Variants in GFRA2 observed in about 807,000 individuals in gnomAD.
GFRA2 encodes GDNF family receptor alpha 2.
A neutral mutation model predicts 48.3 loss-of-function variants in GFRA2; 17 were observed. That is an observed-to-expected ratio of 0.35 (90% CI 0.24 to 0.53). The LOEUF is 0.53. Among genes scored for constraint, GFRA2 ranks in the 20% least tolerant of loss-of-function variants. The pLI is 0.93. For missense variants in GFRA2, 660 were observed against 637.3 expected, an observed-to-expected ratio of 1.04 and a Z score of -0.38; for synonymous variants, 305 against 257.2, an observed-to-expected ratio of 1.19 and a Z score of -1.78.
At chr8:21,785,574 G>C (rs1027143999) in intron 1 of GFRA2, among the ~76,000 whole-genome samples, 4 of 152,164 alleles carry the variant, frequency 2.6e-5, no homozygotes, top group Non-Finnish European at 5.9e-5. Flanking sequence ...AGGGGTAGAG[G>C]GGGGTGGAGA....
intron 4 of GFRA2, among the ~76,000 whole-genome samples, chr8:21,712,171 T>C (rs1382185651): frequency 2.0e-5 from 3 of 152,060 alleles, no homozygotes; most frequent in Non-Finnish European, 4.4e-5. Flanking sequence ...ATTGTCATCA[T>C]GGCCCATTCT....
chr8:21,745,072 A>G (rs940739719), intron 4 of GFRA2, among the ~76,000 whole-genome samples: 2 of 152,230 alleles, frequency 1.3e-5, no homozygotes, highest in Non-Finnish European at 2.9e-5. Context: ...ACCCTAGATC[A>G]AAGGAACCCT....
intron 4 of GFRA2, among the ~76,000 whole-genome samples, chr8:21,710,806 G>A (rs1419196989): frequency 1.3e-5 from 2 of 152,258 alleles, no homozygotes; most frequent in Non-Finnish European, 2.9e-5. Flanking sequence ...AAGAGAAGCA[G>A]CTAAGCCTTC....
chr8:21,788,663 G>C lies in GFRA2; in HGVS notation c.-504C>G. On this transcript the variant is annotated 5_prime_UTR_variant, in exon 1 of 9. Transcript: ENST00000524240. ...GTCAGCGCCCAAGAACAATCCAGTCGGAGCTTCGAGGACGAGAGACTGGAG... is the reference window on the plus strand; with the variant it reads ...GTCAGCGCCCAAGAACAATCCAGTCCGAGCTTCGAGGACGAGAGACTGGAG... 1 of 986,220 alleles carries C rather than the reference G, an allele frequency of 1.0e-6. No individual in the cohort carries two copies. The highest frequency in any genetic ancestry group is 4.7e-5 in the South Asian group (1 of 21,300). 61.1% of individuals were successfully genotyped at this position (986,220 alleles called of 1,614,324 possible).
intron 3 of GFRA2, among the ~76,000 whole-genome samples, chr8:21,770,278 G>A (rs1046051541): frequency 5.3e-5 from 8 of 152,248 alleles, no homozygotes; most frequent in African/African-American, 7.2e-5. Flanking sequence ...TCGAACCTTG[G>A]AGAAATCAGT....
At chr8:21,754,542 CTT>C (rs1012091862) in intron 3 of GFRA2, among the ~76,000 whole-genome samples, 4 of 124,682 alleles carry the variant, frequency 3.2e-5, no homozygotes, top group African/African-American at 1.3e-4. Context: ...GAGTTTTGCT[CTT>C]GTCGCCCAGG....
At position 21,757,143 on chromosome 8, in the gene GFRA2, G is replaced by T. The variant is rs569822288; in HGVS notation, c.440-6201C>A. Among the ~76,000 whole-genome samples the T allele has an allele frequency of 9.9e-5, 15 of 152,260 alleles. No individual in the cohort carries two copies. In the East Asian group the frequency reaches 2.7e-3, roughly 27 times the overall value. On this transcript the variant is annotated intron_variant, in intron 3 of 8. Coordinates refer to ENST00000524240, the MANE Select transcript of GFRA2 (RefSeq NM_001495.5). ...CAGACCCGGGGAGCGCAGCCAGCTG[G>T]GGAGCACAGCCAGCAGCAGAGGGGC...
rs1233298955 is a variant in GFRA2, at chr8:21,755,648, G to T, written c.440-4706C>A. 2.0e-5 allele frequency among the ~76,000 whole-genome samples: 3 copies of T among 151,254 alleles called. 1 individual carries two copies. The highest frequency in any genetic ancestry group is 7.3e-5 in the African/African-American group (3 of 41,260). On this transcript the variant is annotated intron_variant, in intron 3 of 8. Transcript: ENST00000524240. ...TGTCCAGACCTTGGTGGGGGCCGGG[G>T]GAGGGGTCCTGGAAGCAGTGACATC...
At chr8:21,796,834 G>C (rs1487618973) in intron 2 of GFRA2, among the ~76,000 whole-genome samples, 1 of 152,214 alleles carries the variant, frequency 6.6e-6, no homozygotes, top group African/African-American at 2.4e-5. Context: ...GTCATCACCT[G>C]CTGTAGGTTG....
At chr8:21,776,652 G>A (rs1229547946) in intron 2 of GFRA2, among the ~76,000 whole-genome samples, 2 of 152,064 alleles carry the variant, frequency 1.3e-5, no homozygotes, top group African/African-American at 4.8e-5. Context: ...TGTATTTTTA[G>A]TAGAGATGGG....
In GFRA2 at chr8:21,750,109, A is replaced by G. The variant is rs1024146236; in HGVS notation, c.794+479T>C. 6.6e-6 allele frequency among the ~76,000 whole-genome samples: 1 copy of G among 151,378 alleles called. No homozygotes were observed. Among genetic ancestry groups the G allele is most frequent in the Non-Finnish European group, 1.5e-5 (1 of 67,890 alleles). Reference sequence around the variant, plus strand: ...TGTATACACACACACACACACACACACGCACATATATAGGTAGAGACTGAG... The same window carrying G: ...TGTATACACACACACACACACACACGCGCACATATATAGGTAGAGACTGAG... On this transcript the variant is annotated intron_variant, in intron 4 of 8. Transcript: ENST00000524240. The surrounding 1 kb of genome is among the most constrained non-coding windows in gnomAD (Gnocchi z 5.7).
intron 4 of GFRA2, among the ~76,000 whole-genome samples, chr8:21,719,018 C>A (rs1054656742): frequency 6.6e-6 from 1 of 151,920 alleles, no homozygotes; most frequent in Admixed American, 6.6e-5. Context: ...GCCTCCTTGG[C>A]CCCCCCTTGC....
At chr8:21,780,232 T>C (rs1806912873) in intron 2 of GFRA2, among the ~76,000 whole-genome samples, 3 of 151,972 alleles carry the variant, frequency 2.0e-5, no homozygotes, top group South Asian at 2.1e-4. Context: ...TCCTGCCCCA[T>C]ACGATGGCCG....
upstream of GFRA2, among the ~76,000 whole-genome samples, chr8:21,792,136 G>C (rs1347253942): frequency 2.0e-5 from 3 of 152,172 alleles, no homozygotes; most frequent in African/African-American, 7.2e-5. Context: ...TATCTCTCTA[G>C]TCCTCTCTGC....
intron 1 of GFRA2, among the ~76,000 whole-genome samples, chr8:21,786,878 G>C (rs1303728574): frequency 1.3e-5 from 2 of 152,142 alleles, no homozygotes; most frequent in Admixed American, 6.5e-5. Flanking sequence ...CTGCAGGAGG[G>C]AGAGGGTGAG....
intron 4 of GFRA2, among the ~76,000 whole-genome samples, chr8:21,730,151 T>A (rs2117492098): frequency 6.6e-6 from 1 of 152,110 alleles, no homozygotes; most frequent in South Asian, 2.1e-4. Context: ...GCACTTGTAA[T>A]CCCAGCACTT....
At position 21,804,435 on chromosome 8, in the gene GFRA2, AAC is replaced by A. The variant is rs1491086519; in HGVS notation, c.-36+580_-36+581del. Among the ~76,000 whole-genome samples, 575 of 71,986 alleles carry A rather than the reference AAC, an allele frequency of 8.0e-3. 7 individuals carry two copies. The highest frequency in any genetic ancestry group is 0.068 in the East Asian group (186 of 2,740). The allele number at this position is 71,986 out of a possible 152,430, so 47.2% of individuals were successfully genotyped here. On this transcript the variant is annotated intron_variant, in intron 2 of 10. Coordinates refer to the GFRA2 transcript ENST00000517328. ...TATAAACTTCTCTGCTAAAAAAAAA[AAC>A]AAAAAAAAAACAAACTGGTGCATTA...
chr8:21,697,359 G>A (rs1253531649), intron 7 of GFRA2, among the ~76,000 whole-genome samples: 1 of 151,932 alleles, frequency 6.6e-6, no homozygotes, highest in African/African-American at 2.4e-5. Context: ...GAGGGCTGAG[G>A]ACAACCACTG....
chr8:21,774,284 C>G (rs1806582947), intron 3 of GFRA2, among the ~76,000 whole-genome samples: 1 of 152,088 alleles, frequency 6.6e-6, no homozygotes, highest in Non-Finnish European at 1.5e-5. Context: ...AGAGCTTTAC[C>G]TGGTGCCTAC....
Sources: allele counts gnomAD v4.1 joint callset (sites outside exome capture counted in the v4.1 genomes callset), GRCh38; gene constraint gnomAD v4.1.1; non-coding constraint Gnocchi (gnomAD v3.1); transcripts MANE v1.5; gene names NCBI Gene and HGNC (gene_info 2026-07-23, HGNC 2026-07-21).